LHFPL4: variants seen among roughly 807,000 people sequenced by gnomAD.
LHFPL4 encodes the protein LHFPL tetraspan subfamily member 4 protein.
In LHFPL4, 6 loss-of-function variants were observed where a neutral mutation model predicts 20.0. That is an observed-to-expected ratio of 0.30 (90% CI 0.16 to 0.59). The LOEUF is 0.59. Among genes scored for constraint, LHFPL4 ranks in the 20% least tolerant of loss-of-function variants. The pLI is 0.88. For missense variants in LHFPL4, 215 were observed against 331.2 expected (o/e 0.65, Z 2.72); for synonymous variants, 129 against 143.8 (o/e 0.90, Z 0.74).
chr3:9,510,685 C>G (rs1478807869), intron 2 of LHFPL4, among the ~76,000 whole-genome samples: 3 of 152,098 alleles, frequency 2.0e-5, no homozygotes, highest in African/African-American at 7.2e-5. Flanking sequence ...TGCCTGTAAT[C>G]CCAGCACTCT....
intron 2 of LHFPL4, among the ~76,000 whole-genome samples, chr3:9,551,321 A>G (rs971987118): frequency 6.6e-6 from 1 of 151,912 alleles, no homozygotes; most frequent in African/African-American, 2.4e-5. Context: ...TTTTCCCTTC[A>G]CTAGCTCTCC....
At chr3:9,503,387 C>T (rs575494611) in intron 3 of LHFPL4, among the ~76,000 whole-genome samples, 1 of 152,330 alleles carries the variant, frequency 6.6e-6, no homozygotes, top group Admixed American at 6.5e-5. Context: ...CTGAAAGCTG[C>T]CGCCAGAGGG....
intron 2 of LHFPL4, among the ~76,000 whole-genome samples, chr3:9,551,297 G>A (rs1229754648): frequency 1.3e-5 from 2 of 152,000 alleles, no homozygotes; most frequent in Non-Finnish European, 2.9e-5. Flanking sequence ...TCTCATCCCT[G>A]GAAGACTCCA....
intron 2 of LHFPL4, among the ~76,000 whole-genome samples, chr3:9,527,894 G>A (rs2648597): frequency 0.042 from 6,282 of 149,840 alleles, 180 homozygotes; most frequent in Non-Finnish European, 0.062. Flanking sequence ...CCAGACCACC[G>A]TAATAAAACA....
At position 9,501,124 on chromosome 3, in the gene LHFPL4, G is replaced by C. The variant is rs2125653698; in HGVS notation, c.*1087C>G. 1 of 153,558 alleles carries C rather than the reference G, an allele frequency of 6.5e-6. No individual in the cohort carries two copies. The highest frequency in any genetic ancestry group is 2.1e-4 in the South Asian group (1 of 4,848). The allele number at this position is 153,558 out of a possible 1,614,324, so 9.5% of individuals were successfully genotyped here. On this transcript the variant is annotated 3_prime_UTR_variant, in exon 4 of 4. Transcript: ENST00000287585. The stretch of plus-strand genomic sequence containing the variant: ...GGACAGGGTAACAAGGCTTAGGAAG[G>C]GGGACAGGGGTACCCTGTTCAGAGA...
At chr3:9,508,804 C>G (rs2046237666) in intron 2 of LHFPL4, among the ~76,000 whole-genome samples, 1 of 152,236 alleles carries the variant, frequency 6.6e-6, no homozygotes, top group African/African-American at 2.4e-5. Context: ...AGCCCCAGTC[C>G]TTCCCCCGCC....
intron 2 of LHFPL4, among the ~76,000 whole-genome samples, chr3:9,516,853 T>C (rs144128981): frequency 6.9e-4 from 103 of 149,294 alleles, no homozygotes; most frequent in African/African-American, 2.2e-3. Flanking sequence ...AATCTTGGCT[T>C]ACTTCCACCT....
intron 3 of LHFPL4, among the ~76,000 whole-genome samples, chr3:9,505,228 G>A (rs1026023599): frequency 1.6e-4 from 25 of 151,912 alleles, no homozygotes; most frequent in Non-Finnish European, 3.4e-4. Context: ...CATTTAAAAG[G>A]TGGTTGTACT....
chr3:9,529,703 C>T (rs1414642309), intron 2 of LHFPL4, among the ~76,000 whole-genome samples: 3 of 151,988 alleles, frequency 2.0e-5, no homozygotes, highest in Non-Finnish European at 4.4e-5. Context: ...GGCGTGATCT[C>T]GGCTTACTGC....
intron 2 of LHFPL4, among the ~76,000 whole-genome samples, chr3:9,539,845 A>G (rs2046466761): frequency 6.6e-6 from 1 of 152,064 alleles, no homozygotes; most frequent in South Asian, 2.1e-4. Flanking sequence ...ACAATTACAT[A>G]TATAAAAGAG....
At chr3:9,511,840 C>T (rs1417717751) in intron 2 of LHFPL4, among the ~76,000 whole-genome samples, 2 of 152,020 alleles carry the variant, frequency 1.3e-5, no homozygotes, top group East Asian at 3.8e-4. Context: ...CACTGGCTGC[C>T]GGATGCATCT....
At chr3:9,542,356 C>T (rs865811300) in intron 2 of LHFPL4, among the ~76,000 whole-genome samples, 2 of 152,074 alleles carry the variant, frequency 1.3e-5, no homozygotes, top group Non-Finnish European at 2.9e-5. Flanking sequence ...GGTGGAACAA[C>T]CCAAATGTCC....
chr3:9,514,988 C>A (rs777143194), intron 2 of LHFPL4, among the ~76,000 whole-genome samples: 4 of 152,152 alleles, frequency 2.6e-5, no homozygotes, highest in Non-Finnish European at 5.9e-5. Flanking sequence ...TTGGTGTAGA[C>A]ATGAGTTTTT....
rs1397087211 is a variant in LHFPL4, at chr3:9,499,172, G to A, written c.*3039C>T. 1 of 152,400 alleles carries A rather than the reference G, an allele frequency of 6.6e-6. No individual in the cohort carries two copies. The highest frequency in any genetic ancestry group is 1.5e-5 in the Non-Finnish European group (1 of 68,226). The allele number at this position is 152,400 out of a possible 1,614,324, so 9.4% of individuals were successfully genotyped here. ...CCTCCTGGGGTCAGAAACAGGCACT[G>A]ATCTCCTCTGCTTACCTCCTCCTGA... is the stretch of plus-strand genomic sequence containing the variant. On this transcript the variant is annotated 3_prime_UTR_variant, in exon 4 of 4. Transcript: ENST00000287585.
At chr3:9,504,271 A>G (rs2046200316) in intron 3 of LHFPL4, among the ~76,000 whole-genome samples, 1 of 151,670 alleles carries the variant, frequency 6.6e-6, no homozygotes, top group African/African-American at 2.4e-5. Context: ...ACTCAAGAGC[A>G]AGAGGCTGAG....
At chr3:9,526,741 A>AAC (rs1444977252) in intron 2 of LHFPL4, among the ~76,000 whole-genome samples, 4 of 151,610 alleles carry the variant, frequency 2.6e-5, no homozygotes, top group Middle Eastern at 6.8e-3. Context: ...AGAGAAGAGA[A>AAC]ACACACACAC....
chr3:9,512,364 C>T (rs1193642634), intron 2 of LHFPL4, among the ~76,000 whole-genome samples: 2 of 152,160 alleles, frequency 1.3e-5, no homozygotes, highest in East Asian at 1.9e-4. Context: ...AGAAGTGGCG[C>T]GGCAGTTTCA....
At chr3:9,512,419 G>A (rs1394009391) in intron 2 of LHFPL4, among the ~76,000 whole-genome samples, 1 of 152,118 alleles carries the variant, frequency 6.6e-6, no homozygotes, top group African/African-American at 2.4e-5. Flanking sequence ...TGGCAGAGTG[G>A]GAAAATAATC....
intron 2 of LHFPL4, among the ~76,000 whole-genome samples, chr3:9,526,998 AAAGG>A (rs949285004): frequency 1.1e-4 from 17 of 152,084 alleles, no homozygotes; most frequent in African/African-American, 3.4e-4. Flanking sequence ...TATTTCACTG[AAAGG>A]AAGGAAGGAA....
Sources: allele counts gnomAD v4.1 joint callset (sites outside exome capture counted in the v4.1 genomes callset), GRCh38; gene constraint gnomAD v4.1.1; transcripts MANE v1.5; gene names NCBI Gene and HGNC (gene_info 2026-07-23, HGNC 2026-07-21).